Variants in TMEM132D observed in about 807,000 individuals in gnomAD.
TMEM132D encodes mature OL transmembrane protein.
In TMEM132D, 21 loss-of-function variants were observed where a neutral mutation model predicts 62.3. The ratio of observed to expected loss-of-function variants is 0.34; its 90% CI spans 0.24 to 0.49. The LOEUF is 0.49. Among genes scored for constraint, TMEM132D ranks in the 20% least tolerant of loss-of-function variants. TMEM132D has a pLI of 0.99. For missense variants in TMEM132D, 1,346 were observed against 1,402.8 expected (o/e 0.96, Z 0.65); for synonymous variants, 621 against 575.6 (o/e 1.08, Z -1.13).
chr12:129,140,493 G>T (rs1278270853), intron 5 of TMEM132D, among the ~76,000 whole-genome samples: 2 of 152,040 alleles, frequency 1.3e-5, no homozygotes, highest in African/African-American at 2.4e-5. Flanking sequence ...CATATAAATA[G>T]AATTTTACAG....
chr12:129,895,630 C>G (rs375729371), intron 1 of TMEM132D, among the ~76,000 whole-genome samples: 2 of 152,150 alleles, frequency 1.3e-5, no homozygotes, highest in Non-Finnish European at 2.9e-5. Flanking sequence ...TCACCTCATA[C>G]GAACATTCCT....
chr12:129,678,561 G>T (rs1365061249), intron 2 of TMEM132D, among the ~76,000 whole-genome samples: 1 of 151,992 alleles, frequency 6.6e-6, no homozygotes, highest in South Asian at 2.1e-4. Flanking sequence ...CATTCTAATT[G>T]TTGGTTTATT....
At chr12:129,470,068 G>A (rs1874049422) in intron 3 of TMEM132D, among the ~76,000 whole-genome samples, 1 of 152,176 alleles carries the variant, frequency 6.6e-6, no homozygotes, top group South Asian at 2.1e-4. Flanking sequence ...TATACATGGG[G>A]AGATACTGGA....
At position 129,378,117 on chromosome 12, in the gene TMEM132D, G is replaced by A. The variant is rs149737559; in HGVS notation, c.1116-40300C>T. Among the ~76,000 whole-genome samples the A allele has an allele frequency of 5.8e-4, 88 of 152,184 alleles. No homozygotes were observed. In the East Asian group the frequency reaches 0.015, roughly 26 times the overall value. ...ACTACAGCCTCTTTTCTCTTTTAAG[G>A]CCATATTGAAATAATCATTTCCTCA... is the stretch of plus-strand genomic sequence containing the variant. On this transcript the variant is annotated intron_variant, in intron 3 of 8. Transcript: ENST00000422113.
intron 1 of TMEM132D, among the ~76,000 whole-genome samples, chr12:129,757,314 G>A (rs1410501346): frequency 6.6e-6 from 1 of 152,104 alleles, no homozygotes; most frequent in African/African-American, 2.4e-5. Context: ...AACCCATTAT[G>A]AGATGTCTTT....
chr12:129,172,861 G>C (rs949069278), intron 5 of TMEM132D, among the ~76,000 whole-genome samples: 12 of 152,156 alleles, frequency 7.9e-5, no homozygotes, highest in African/African-American at 2.9e-4. Context: ...TACAGTGTGA[G>C]CCACTGCACC....
intron 2 of TMEM132D, among the ~76,000 whole-genome samples, chr12:129,621,996 T>C (rs900187240): frequency 5.9e-5 from 9 of 152,200 alleles, no homozygotes; most frequent in African/African-American, 2.2e-4. Flanking sequence ...GAGAGAAGGT[T>C]GTGCTCCTCT....
intron 1 of TMEM132D, among the ~76,000 whole-genome samples, chr12:129,756,403 C>G (rs1235780276): frequency 6.6e-6 from 1 of 152,128 alleles, no homozygotes; most frequent in African/African-American, 2.4e-5. Context: ...CTTGGGGACA[C>G]TACGCTAAGT....
intron 4 of TMEM132D, among the ~76,000 whole-genome samples, chr12:129,298,109 G>T (rs1388728905): frequency 6.6e-6 from 1 of 152,020 alleles, no homozygotes; most frequent in Non-Finnish European, 1.5e-5. Context: ...ACCAACTCAT[G>T]GGTGGGATTC....
chr12:129,314,983 T>C (rs914446086), intron 4 of TMEM132D, among the ~76,000 whole-genome samples: 3 of 152,178 alleles, frequency 2.0e-5, no homozygotes, highest in Non-Finnish European at 4.4e-5. Flanking sequence ...CTGATGTGTG[T>C]ACATTAATCT....
At chr12:129,434,376 G>A (rs1304441317) in intron 3 of TMEM132D, among the ~76,000 whole-genome samples, 1 of 152,192 alleles carries the variant, frequency 6.6e-6, no homozygotes, top group Non-Finnish European at 1.5e-5. Flanking sequence ...GAATGAATAT[G>A]GACGAGTTAC....
intron 3 of TMEM132D, among the ~76,000 whole-genome samples, chr12:129,365,608 C>T (rs1025344062): frequency 2.6e-5 from 4 of 152,156 alleles, no homozygotes; most frequent in East Asian, 1.9e-4. Context: ...GAGACCCCTT[C>T]TGCACTGAGA....
chr12:129,500,222 G>T (rs1875093966), intron 3 of TMEM132D, among the ~76,000 whole-genome samples: 1 of 149,948 alleles, frequency 6.7e-6, no homozygotes, highest in South Asian at 2.1e-4. Flanking sequence ...TACCCTGAGT[G>T]GGGAGGCAAT....
chr12:129,803,301 T>C (rs1593168065), intron 1 of TMEM132D, among the ~76,000 whole-genome samples: 1 of 148,674 alleles, frequency 6.7e-6, no homozygotes, highest in African/African-American at 2.5e-5. Flanking sequence ...AAAGCTCTCC[T>C]CAGCAAATGT....
chr12:129,487,194 G>A (rs1464583568), intron 3 of TMEM132D, among the ~76,000 whole-genome samples: 4 of 152,120 alleles, frequency 2.6e-5, no homozygotes, highest in African/African-American at 2.4e-5. Context: ...GCCCCAGCGT[G>A]CATGGGAGAG....
chr12:129,247,350 A>C (rs1264594814), intron 4 of TMEM132D, among the ~76,000 whole-genome samples: 2 of 152,158 alleles, frequency 1.3e-5, no homozygotes, highest in African/African-American at 4.8e-5. Context: ...GCCATTTATA[A>C]GGGACAACTA....
At chr12:129,186,792 G>A (rs577735679) in intron 5 of TMEM132D, among the ~76,000 whole-genome samples, 4 of 152,296 alleles carry the variant, frequency 2.6e-5, no homozygotes, top group African/African-American at 9.6e-5. Context: ...TTTGCTAAAT[G>A]ATAATAGCAA....
intron 4 of TMEM132D, among the ~76,000 whole-genome samples, chr12:129,313,475 G>C (rs886309131): frequency 6.6e-6 from 1 of 151,864 alleles, no homozygotes; most frequent in African/African-American, 2.4e-5. Flanking sequence ...ATCTCATCCA[G>C]GTCACTGAAA....
At position 129,769,689 on chromosome 12, in the gene TMEM132D, C is replaced by A. The variant is rs531585165; in HGVS notation, c.80-68991G>T. 7.9e-5 allele frequency among the ~76,000 whole-genome samples: 12 copies of A among 152,224 alleles called. No homozygotes were observed. In the East Asian group the frequency reaches 2.3e-3, roughly 29 times the overall value. On this transcript the variant is annotated intron_variant, in intron 1 of 8. Coordinates refer to ENST00000422113, the MANE Select transcript of TMEM132D (RefSeq NM_133448.3). Reference sequence around the variant, plus strand: ...AGAATTACCTTGTAAGTTAGCCAATCCTTGGAAGGCTATTAAAAACAAGTG... The same window carrying A: ...AGAATTACCTTGTAAGTTAGCCAATACTTGGAAGGCTATTAAAAACAAGTG...
Sources: allele counts gnomAD v4.1 joint callset (sites outside exome capture counted in the v4.1 genomes callset), GRCh38; gene constraint gnomAD v4.1.1; transcripts MANE v1.5; gene names NCBI Gene and HGNC (gene_info 2026-07-23, HGNC 2026-07-21).